UGGT2: variants seen among roughly 807,000 people sequenced by gnomAD.
The protein encoded by UGGT2 is UDP-glucose:glycoprotein glucosyltransferase 2.
Under a neutral mutation model 192.1 loss-of-function variants are expected in UGGT2, and 180 were observed. The observed-to-expected ratio is 0.94, with a 90% CI of 0.83 to 1.06. UGGT2 has a LOEUF of 1.06. UGGT2 is among the 50% of genes least tolerant of loss of function. UGGT2 has a pLI of 0.00. For missense variants in UGGT2, 1,849 were observed against 1,795.7 expected, an observed-to-expected ratio of 1.03 and a Z score of -0.54; for synonymous variants, 580 against 591.0, an observed-to-expected ratio of 0.98 and a Z score of 0.27.
At chr13:95,874,489 A>T (rs575692030) in intron 29 of UGGT2, among the ~76,000 whole-genome samples, 47 of 152,230 alleles carry the variant, frequency 3.1e-4, no homozygotes, top group African/African-American at 1.1e-3. Context: ...CAAAGGAATG[A>T]TTTTCCAGGT....
At chr13:95,842,804 A>G (rs1888009053) in intron 36 of UGGT2, among the ~76,000 whole-genome samples, 1 of 152,250 alleles carries the variant, frequency 6.6e-6, no homozygotes, top group Admixed American at 6.5e-5. Flanking sequence ...TAGCTCTTGA[A>G]GAATAAACCC....
intron 1 of UGGT2, among the ~76,000 whole-genome samples, chr13:96,042,123 A>C (rs1204713094): frequency 6.6e-6 from 1 of 151,976 alleles, no homozygotes; most frequent in Admixed American, 6.6e-5. Flanking sequence ...AGTCCATTTC[A>C]CCCCCCTGCC....
At chr13:96,036,055 G>A (rs1414702293) in intron 1 of UGGT2, among the ~76,000 whole-genome samples, 1 of 152,006 alleles carries the variant, frequency 6.6e-6, no homozygotes, top group African/African-American at 2.4e-5. Context: ...CCCATTACTG[G>A]GTGTATACCC....
At chr13:95,829,284 A>G (rs1166799725) in intron 38 of UGGT2, among the ~76,000 whole-genome samples, 1 of 152,128 alleles carries the variant, frequency 6.6e-6, no homozygotes. Context: ...CTCTCTCGCC[A>G]CTCCTATTCA....
intron 20 of UGGT2, among the ~76,000 whole-genome samples, chr13:95,912,775 G>A (rs1298413637): frequency 6.6e-6 from 1 of 152,132 alleles, no homozygotes; most frequent in Non-Finnish European, 1.5e-5. Flanking sequence ...AGCCTGCATT[G>A]CCAAGACAAT....
intron 22 of UGGT2, among the ~76,000 whole-genome samples, chr13:95,895,948 T>TG (rs2047932688): frequency 1.3e-5 from 2 of 152,034 alleles, no homozygotes; most frequent in Non-Finnish European, 2.9e-5. Context: ...AGTTAGAAGC[T>TG]GCCAAATTGC....
intron 5 of UGGT2, among the ~76,000 whole-genome samples, chr13:96,002,253 T>C (rs935913542): frequency 6.6e-6 from 1 of 152,220 alleles, no homozygotes; most frequent in Non-Finnish European, 1.5e-5. Context: ...AATGTATCCA[T>C]CCTTCTAGCA....
intron 12 of UGGT2, among the ~76,000 whole-genome samples, chr13:95,953,623 T>C (rs775831977): frequency 2.3e-4 from 35 of 152,110 alleles, no homozygotes; most frequent in South Asian, 4.1e-4. Context: ...AAGAAGAAAA[T>C]TTTTTCTTGC....
intron 16 of UGGT2, among the ~76,000 whole-genome samples, chr13:95,938,833 T>G (rs1050621565): frequency 2.0e-5 from 3 of 152,132 alleles, no homozygotes; most frequent in Non-Finnish European, 4.4e-5. Context: ...AATTCAAATA[T>G]GTCCATTTTC....
At chr13:95,869,599 A>T (rs1891042739) in intron 29 of UGGT2, among the ~76,000 whole-genome samples, 1 of 152,188 alleles carries the variant, frequency 6.6e-6, no homozygotes, top group African/African-American at 2.4e-5. Flanking sequence ...CCATCCTTTG[A>T]GGAAAGTACA....
intron 1 of UGGT2, among the ~76,000 whole-genome samples, chr13:96,036,733 A>G (rs7335872): frequency 0.39 from 59,202 of 152,022 alleles, 11,759 homozygotes; most frequent in Middle Eastern, 0.44. Context: ...GCACCTGGTA[A>G]AAGGTAAGAT....
intron 6 of UGGT2, 64 bp downstream of exon 6, chr13:95,999,147 A>C (rs757760899): frequency 2.7e-4 from 369 of 1,389,110 alleles, no homozygotes; most frequent in Non-Finnish European, 3.7e-4. Context: ...AATTTTTAAA[A>C]AACTAAAGTA....
chr13:96,036,997 C>T lies in UGGT2; in HGVS notation c.159-5026G>A, dbSNP rs528116919. On this transcript the variant is annotated intron_variant, in intron 1 of 38. Coordinates refer to ENST00000376747, the MANE Select transcript of UGGT2 (RefSeq NM_020121.4). ...TTCACTTGCCTTACAAAATATATGG[C>T]TCAAAATAAGTGTATTTCTTCAAAA... Among the ~76,000 whole-genome samples the T allele has an allele frequency of 4.6e-5, 7 of 152,254 alleles. No individual in the cohort carries two copies. In the South Asian group the frequency reaches 1.4e-3, roughly 32 times the overall value.
At chr13:95,904,401 G>A (rs558197501) in intron 20 of UGGT2, among the ~76,000 whole-genome samples, 7 of 149,600 alleles carry the variant, frequency 4.7e-5, no homozygotes, top group East Asian at 3.9e-4. Flanking sequence ...CCATTAACTC[G>A]TCATCTAGCA....
chr13:95,887,294 C>A, intron 26 of UGGT2: 1 of 516,614 alleles, frequency 1.9e-6, no homozygotes, highest in South Asian at 1.4e-5. Context: ...CCCAATGACA[C>A]ATGAAGGAGA....
chr13:95,980,866 G>A (rs1393806514), intron 10 of UGGT2, among the ~76,000 whole-genome samples: 4 of 152,162 alleles, frequency 2.6e-5, no homozygotes, highest in African/African-American at 4.8e-5. Context: ...GTGTGGTGGC[G>A]TGTACCTGTA....
chr13:95,993,854 TC>T (rs1436674405), intron 7 of UGGT2, among the ~76,000 whole-genome samples: 5 of 152,052 alleles, frequency 3.3e-5, no homozygotes, highest in African/African-American at 1.2e-4. Flanking sequence ...TCATAAACTT[TC>T]ACTTGTAAAT....
intron 12 of UGGT2, among the ~76,000 whole-genome samples, chr13:95,966,356 T>TA (rs778187740): frequency 6.6e-6 from 1 of 152,086 alleles, no homozygotes; most frequent in Non-Finnish European, 1.5e-5. Context: ...CTCATGGAGT[T>TA]AGAGTAGAAT....
intron 17 of UGGT2, among the ~76,000 whole-genome samples, 175 bp downstream of exon 17, chr13:95,936,749 C>CGG (rs2049478114): frequency 6.6e-6 from 1 of 152,232 alleles, no homozygotes; most frequent in African/African-American, 2.4e-5. Context: ...ACCACAGTCT[C>CGG]TGCACAGGCA....
Sources: allele counts gnomAD v4.1 joint callset (sites outside exome capture counted in the v4.1 genomes callset), GRCh38; gene constraint gnomAD v4.1.1; transcripts MANE v1.5; gene names NCBI Gene and HGNC (gene_info 2026-07-23, HGNC 2026-07-21).